CHN2: variants seen among roughly 807,000 people sequenced by gnomAD.
CHN2 encodes the protein chimerin 2, also known as beta-chimaerin.
A neutral mutation model predicts 56.3 loss-of-function variants in CHN2; 35 were observed. The observed-to-expected ratio is 0.62, with a 90% confidence interval of 0.47 to 0.82. The LOEUF (loss-of-function observed/expected upper bound fraction) is 0.82, where lower values mean the gene tolerates loss of function less well. Among genes scored for constraint, CHN2 ranks in the 40% least tolerant of loss-of-function variants. CHN2 has a pLI of 0.00. For synonymous variants in CHN2, 210 were observed against 212.8 expected, an observed-to-expected ratio of 0.99 and a Z score of 0.12; for missense variants, 491 against 580.5, an observed-to-expected ratio of 0.85 and a Z score of 1.58.
intron 6 of CHN2, among the ~76,000 whole-genome samples, chr7:29,419,413 T>C (rs373775558): frequency 2.6e-5 from 4 of 152,236 alleles, no homozygotes; most frequent in East Asian, 1.9e-4. Flanking sequence ...CTCCATGATA[T>C]TGGGGCTGGC....
chr7:29,364,033 C>T (rs945366337), intron 2 of CHN2, among the ~76,000 whole-genome samples: 4 of 152,134 alleles, frequency 2.6e-5, no homozygotes, highest in Non-Finnish European at 5.9e-5. Context: ...AACAAACAGA[C>T]CAGGGGCTTT....
intron 1 of CHN2, among the ~76,000 whole-genome samples, chr7:29,275,479 G>A (rs888865328): frequency 1.3e-5 from 2 of 152,168 alleles, no homozygotes. Flanking sequence ...TATCTGCACC[G>A]TTTTGAAAGC....
At chr7:29,463,542 T>C (rs1453825380) in intron 6 of CHN2, among the ~76,000 whole-genome samples, 1 of 152,172 alleles carries the variant, frequency 6.6e-6, no homozygotes, top group Non-Finnish European at 1.5e-5. Context: ...CAGTTTCCTG[T>C]GGACTCAGAT....
chr7:29,502,896 C>G (rs964746285), intron 9 of CHN2, among the ~76,000 whole-genome samples: 8 of 152,070 alleles, frequency 5.3e-5, no homozygotes, highest in Non-Finnish European at 1.2e-4. Flanking sequence ...CTCTCCTTCC[C>G]CTTGACCCCC....
chr7:29,393,599 T>C, intron 3 of CHN2, 80 bp from the exon 4 acceptor site: 1 of 637,218 alleles, frequency 1.6e-6, no homozygotes, highest in Non-Finnish European at 2.5e-6. Flanking sequence ...AGGACCCTAG[T>C]TCTGTTTATT....
intron 2 of CHN2, among the ~76,000 whole-genome samples, chr7:29,147,721 C>T (rs1462595394): frequency 1.3e-5 from 2 of 152,102 alleles, no homozygotes; most frequent in East Asian, 3.9e-4. Context: ...TCTTTTAAGG[C>T]CAAAATCAGC....
intron 1 of CHN2, among the ~76,000 whole-genome samples, chr7:29,232,142 A>G (rs1786763762): frequency 6.6e-6 from 1 of 152,214 alleles, no homozygotes; most frequent in Admixed American, 6.5e-5. Flanking sequence ...TTGGATTTGT[A>G]AACAGACTTG....
chr7:29,167,813 T>C (rs964239490), intron 2 of CHN2, among the ~76,000 whole-genome samples: 1 of 152,226 alleles, frequency 6.6e-6, no homozygotes, highest in Non-Finnish European at 1.5e-5. Flanking sequence ...CCTAAATCCT[T>C]GTTATGAGTG....
At chr7:29,435,354 T>G (rs1011579358) in intron 6 of CHN2, among the ~76,000 whole-genome samples, 9 of 152,150 alleles carry the variant, frequency 5.9e-5, no homozygotes, top group Non-Finnish European at 7.3e-5. Flanking sequence ...ACTTTCTGAG[T>G]CAGATACTGT....
intron 1 of CHN2, among the ~76,000 whole-genome samples, chr7:29,217,036 A>G (rs1785395518): frequency 6.6e-6 from 1 of 152,224 alleles, no homozygotes; most frequent in Non-Finnish European, 1.5e-5. Flanking sequence ...TAAATATCAT[A>G]GTCCTTTGAA....
chr7:29,488,876 C>G (rs1788343645), intron 7 of CHN2, among the ~76,000 whole-genome samples: 1 of 152,140 alleles, frequency 6.6e-6, no homozygotes, highest in Non-Finnish European at 1.5e-5. Flanking sequence ...AGTGCCGAGG[C>G]TAAGAAATCA....
At chr7:29,441,928 G>T (rs1783678942) in intron 6 of CHN2, among the ~76,000 whole-genome samples, 1 of 152,024 alleles carries the variant, frequency 6.6e-6, no homozygotes, top group African/African-American at 2.4e-5. Context: ...TCCATATCTA[G>T]GTGTATAACC....
chr7:29,332,064 G>A (rs1230024871), intron 1 of CHN2, among the ~76,000 whole-genome samples: 4 of 151,570 alleles, frequency 2.6e-5, no homozygotes, highest in African/African-American at 9.7e-5. Flanking sequence ...GATTTGGCTT[G>A]TGTGATCTGA....
In CHN2 at chr7:29,147,139, A is replaced by G. The variant is rs1006969804; in HGVS notation, c.274+179A>G. The G allele has an allele frequency of 3.1e-5, 25 of 812,836 alleles. No individual in the cohort carries two copies. The Admixed American group carries it at 6.0e-4, about 20-fold the overall frequency. The allele number at this position is 812,836 out of a possible 1,614,324, so 50.4% of individuals were successfully genotyped here. A position where few individuals can be genotyped will look rare whatever the true frequency, so the allele number is the denominator to read the frequency against. On this transcript the variant is annotated intron_variant, in intron 2 of 6. Coordinates refer to the CHN2 transcript ENST00000439384. Reference sequence around the variant, plus strand: ...CATTGCTTGTAAGTGACCTGAGTGTATATTATTAGCCACCACCAGGTGCTG... The same window carrying G: ...CATTGCTTGTAAGTGACCTGAGTGTGTATTATTAGCCACCACCAGGTGCTG...
intron 6 of CHN2, chr7:29,445,235 CTG>C (rs1449071065): frequency 4.4e-6 from 2 of 450,142 alleles, no homozygotes; most frequent in Non-Finnish European, 8.9e-6. Context: ...ATTGGGAACA[CTG>C]AGAACCCTAC....
intron 1 of CHN2, among the ~76,000 whole-genome samples, chr7:29,204,067 C>CTG (rs55930139): frequency 0.045 from 5,798 of 128,702 alleles, 147 homozygotes; most frequent in Non-Finnish European, 0.068. Context: ...TTCTCTCTCT[C>CTG]TGTGTGTGTG....
At chr7:29,339,792 G>A (rs1796903275) in intron 1 of CHN2, among the ~76,000 whole-genome samples, 1 of 151,920 alleles carries the variant, frequency 6.6e-6, no homozygotes, top group African/African-American at 2.4e-5. Context: ...GGTGGAGGTT[G>A]CAGTGAGCCA....
intron 4 of CHN2, 124 bp from the exon 5 acceptor site, chr7:29,398,249 C>A (rs1585260579): frequency 4.4e-6 from 3 of 679,392 alleles, no homozygotes; most frequent in South Asian, 3.5e-5. Flanking sequence ...TAGTCACCCC[C>A]CTTCTTCACT....
At chr7:29,297,587 G>T (rs1188456169) in intron 1 of CHN2, among the ~76,000 whole-genome samples, 1 of 152,098 alleles carries the variant, frequency 6.6e-6, no homozygotes, top group Admixed American at 6.5e-5. Context: ...GTGGGGGGAG[G>T]GTAAGGACAG....
Sources: gnomAD v4.1 joint callset for allele counts (sites outside exome capture counted in the v4.1 genomes callset) on GRCh38, gnomAD v4.1.1 for gene constraint, MANE v1.5 for transcripts, NCBI Gene and HGNC (gene_info 2026-07-23, HGNC 2026-07-21) for gene names.